The following RBM33 variants were observed in gnomAD, a reference collection of about 807,000 sequenced individuals.
The protein encoded by RBM33 is RNA-binding protein 33.
A neutral mutation model predicts 132.6 loss-of-function variants in RBM33; 28 were observed. The ratio of observed to expected loss-of-function variants is 0.21; its 90% confidence interval spans 0.16 to 0.29. The LOEUF is 0.29. Among genes scored for constraint, RBM33 ranks in the 10% least tolerant of loss-of-function variants. The pLI is 1.00. For synonymous variants in RBM33, 634 were observed against 593.0 expected (o/e 1.07, Z -1.01); for missense variants, 1,291 against 1,518.5 (o/e 0.85, Z 2.49).
At chr7:155,754,717 G>C (rs1262010711) in intron 14 of RBM33, among the ~76,000 whole-genome samples, 1 of 152,228 alleles carries the variant, frequency 6.6e-6, no homozygotes, top group Non-Finnish European at 1.5e-5. Context: ...TTAAGAGAGA[G>C]AGCAAGCACT....
rs1429639390 is a variant in RBM33, at chr7:155,745,976, G to T, written c.2979+374G>T. Among the ~76,000 whole-genome samples the T allele has an allele frequency of 2.6e-5, 4 of 152,176 alleles. No individual in the cohort carries two copies. The highest frequency in any genetic ancestry group is 7.2e-5 in the African/African-American group (3 of 41,446). On this transcript the variant is annotated intron_variant, in intron 14 of 17. Coordinates refer to ENST00000401878, the MANE Select transcript of RBM33 (RefSeq NM_053043.3). The surrounding 1 kb of genome is among the most constrained non-coding windows in gnomAD (Gnocchi z 4.1). ...ACACAATGATGAGTAGTTGTGTGTC[G>T]AAATGTATCTTAGTGAAGGTACAGT...
intron 15 of RBM33, among the ~76,000 whole-genome samples, chr7:155,766,201 C>T (rs1022691740): frequency 1.3e-5 from 2 of 152,138 alleles, no homozygotes; most frequent in South Asian, 4.1e-4. Context: ...ACAGAGTGCC[C>T]ACCGAGCACA....
chr7:155,685,065 C>T (rs1036313691), intron 5 of RBM33: 1 of 1,547,080 alleles, frequency 6.5e-7, no homozygotes, highest in Non-Finnish European at 8.7e-7. Flanking sequence ...ATTTGTTCAT[C>T]TTTTAAAAAG....
At chr7:155,716,082 C>T (rs557176253) in intron 8 of RBM33, among the ~76,000 whole-genome samples, 1 of 152,264 alleles carries the variant, frequency 6.6e-6, no homozygotes, top group South Asian at 2.1e-4. Flanking sequence ...TATTAAACTT[C>T]AAATATTCAA....
intron 9 of RBM33, among the ~76,000 whole-genome samples, chr7:155,722,730 C>G (rs897573853): frequency 6.6e-6 from 1 of 152,066 alleles, no homozygotes; most frequent in African/African-American, 2.4e-5. Flanking sequence ...TTTTTCTGTG[C>G]AATTGCTGTT....
intron 14 of RBM33, among the ~76,000 whole-genome samples, chr7:155,752,488 A>G (rs1324533657): frequency 6.6e-6 from 1 of 152,224 alleles, no homozygotes; most frequent in Non-Finnish European, 1.5e-5. Context: ...TTAGATATTT[A>G]AAGTGAGTCC....
At chr7:155,718,275 A>G (rs1800523297) in intron 8 of RBM33, 110 bp from the exon 9 acceptor site, 6 of 787,320 alleles carry the variant, frequency 7.6e-6, no homozygotes, top group Middle Eastern at 2.3e-4. Context: ...ACAATGTATT[A>G]TATGTCTGGT....
intron 3 of RBM33, 145 bp downstream of exon 3, chr7:155,673,060 G>T (rs548976812): frequency 1.0e-5 from 5 of 497,280 alleles, no homozygotes; most frequent in South Asian, 3.1e-5. Context: ...TTTTAAGTGC[G>T]CAGGGAATTG....
intron 5 of RBM33, among the ~76,000 whole-genome samples, chr7:155,696,133 CA>C (rs1168613201): frequency 6.6e-6 from 1 of 152,148 alleles, no homozygotes; most frequent in Non-Finnish European, 1.5e-5. Flanking sequence ...ATCCCTATAT[CA>C]GTACTATACA....
At chr7:155,663,423 C>G (rs1002530921) in intron 1 of RBM33, among the ~76,000 whole-genome samples, 14 of 152,076 alleles carry the variant, frequency 9.2e-5, no homozygotes, top group African/African-American at 3.4e-4. Flanking sequence ...CAAGCAGGAA[C>G]AGGCACTTAC....
chr7:155,684,427 A>C (rs528256409), intron 5 of RBM33, among the ~76,000 whole-genome samples: 2 of 152,232 alleles, frequency 1.3e-5, no homozygotes, highest in African/African-American at 2.4e-5. Context: ...ACGCCCCTTA[A>C]GTTTCATACA....
chr7:155,773,101 A>G (rs1387899740), intron 16 of RBM33, among the ~76,000 whole-genome samples: 1 of 152,210 alleles, frequency 6.6e-6, no homozygotes, highest in Non-Finnish European at 1.5e-5. Context: ...AGTATTTTCA[A>G]GGGATCATGT....
intron 5 of RBM33, among the ~76,000 whole-genome samples, chr7:155,697,340 A>G (rs1296517196): frequency 2.6e-5 from 4 of 152,114 alleles, no homozygotes; most frequent in Non-Finnish European, 4.4e-5. Context: ...GTGTACTTTT[A>G]CTTTTAAAAA....
chr7:155,710,611 T>G (rs1223071663), intron 7 of RBM33, among the ~76,000 whole-genome samples: 2 of 152,212 alleles, frequency 1.3e-5, no homozygotes, highest in Admixed American at 6.5e-5. Context: ...CTGCTTCTGC[T>G]TTTTTCTGGG....
chr7:155,716,314 C>CAGTTTTTTTTTTTTTTTTT (rs1226140340), intron 8 of RBM33, among the ~76,000 whole-genome samples: 1 of 43,576 alleles, frequency 2.3e-5, no homozygotes, highest in Non-Finnish European at 4.3e-5. Flanking sequence ...TCCTTTTCTG[C>CAGTTTTTTTTTTTTTTTTT]TGTTTTTTTT....
At chr7:155,670,209 T>C (rs1798908969) in intron 2 of RBM33, among the ~76,000 whole-genome samples, 1 of 152,258 alleles carries the variant, frequency 6.6e-6, no homozygotes, top group South Asian at 2.1e-4. Flanking sequence ...GAAAGATTGT[T>C]CGTACTCAAG....
At chr7:155,734,831 CCT>C (rs1326321306) in intron 9 of RBM33, among the ~76,000 whole-genome samples, 1 of 152,136 alleles carries the variant, frequency 6.6e-6, no homozygotes, top group Non-Finnish European at 1.5e-5. Flanking sequence ...ATCAGTCAAA[CCT>C]CTCTGCAAGC....
At position 155,766,665 on chromosome 7, in the gene RBM33, TG is replaced by T; in HGVS notation, c.3375+15del. 6.2e-7 allele frequency: 1 copy of T among 1,605,440 alleles called. No individual in the cohort carries two copies. The highest frequency in any genetic ancestry group is 8.5e-7 in the Non-Finnish European group (1 of 1,176,022). ...AGTGGGACCCATTCAGGTAGCCGCCTGGGGGTGGCATCTGTGCCACGGGTAG... is the reference window on the plus strand; with the variant it reads ...AGTGGGACCCATTCAGGTAGCCGCCTGGGGTGGCATCTGTGCCACGGGTAG... On this transcript the variant is annotated intron_variant, in intron 16 of 17. Coordinates refer to ENST00000401878, the MANE Select transcript of RBM33 (RefSeq NM_053043.3).
In RBM33 at chr7:155,644,735, G is replaced by A; in HGVS notation, c.-142G>A. 2 of 632,610 alleles carry A rather than the reference G, an allele frequency of 3.2e-6. No homozygotes were observed. Among genetic ancestry groups the A allele is most frequent in the Non-Finnish European group, 5.0e-6 (2 of 401,358 alleles). 39.2% of individuals were successfully genotyped at this position (632,610 alleles called of 1,614,324 possible). On this transcript the variant is annotated 5_prime_UTR_variant, in exon 1 of 18. Coordinates refer to ENST00000401878, the MANE Select transcript of RBM33 (RefSeq NM_053043.3). ...GGAGGCGAAGGGCCAGCTGTGGACC[G>A]CGAAGCGCCCGGCTTCGCCTCTGCC...
Sources: allele counts gnomAD v4.1 joint callset (sites outside exome capture counted in the v4.1 genomes callset), GRCh38; gene constraint gnomAD v4.1.1; non-coding constraint Gnocchi (gnomAD v3.1); transcripts MANE v1.5; gene names NCBI Gene and HGNC (gene_info 2026-07-23, HGNC 2026-07-21).